Variants in PDE4D observed in about 807,000 individuals in gnomAD.
PDE4D encodes the protein 3',5'-cyclic-AMP phosphodiesterase 4D.
PDE4D carries 24 observed loss-of-function variants against 87.4 expected under a neutral mutation model. The observed-to-expected ratio is 0.27, with a 90% confidence interval of 0.20 to 0.39. The LOEUF (loss-of-function observed/expected upper bound fraction) is 0.39, where lower values mean the gene tolerates loss of function less well. Ranked by LOEUF, PDE4D falls within the 10% of genes least tolerant of loss-of-function variation. The probability of loss-of-function intolerance (pLI) is 1.00; values close to 1 mark genes in which losing one functional copy is unlikely to be tolerated. For missense variants in PDE4D, 714 were observed against 1,041.0 expected, an observed-to-expected ratio of 0.69 and a Z score of 4.32; for synonymous variants, 384 against 383.2, an observed-to-expected ratio of 1.00 and a Z score of -0.02.
Position 59,293,795 on chromosome 5 carries a change from T to A in PDE4D, c.456-77827A>T, listed in dbSNP as rs565750659. ...GGCCATTAGGTCAAATTTCAATGTCTGAGATACTCTCCTGACCCCATGGGA... is the reference window on the plus strand; with the variant it reads ...GGCCATTAGGTCAAATTTCAATGTCAGAGATACTCTCCTGACCCCATGGGA... On this transcript the variant is annotated intron_variant, in intron 1 of 14. Coordinates refer to ENST00000340635, the MANE Select transcript of PDE4D (RefSeq NM_001104631.2). Among the ~76,000 whole-genome samples the A allele has an allele frequency of 2.0e-5, 3 of 152,272 alleles. No homozygotes were observed. The South Asian group carries it at 6.2e-4, about 32-fold the overall frequency.
intron 3 of PDE4D, among the ~76,000 whole-genome samples, chr5:59,945,447 A>C (rs1475874209): frequency 6.6e-6 from 1 of 152,216 alleles, no homozygotes; most frequent in Non-Finnish European, 1.5e-5. Flanking sequence ...CTGTTTTCCA[A>C]AAGGGCTGAG....
chr5:60,316,566 A>T (rs530790109), intron 1 of PDE4D, among the ~76,000 whole-genome samples: 2 of 152,242 alleles, frequency 1.3e-5, no homozygotes, highest in South Asian at 4.1e-4. Context: ...GTCTTGTGCC[A>T]GTTTTCAAAG....
intron 6 of PDE4D, among the ~76,000 whole-genome samples, chr5:59,007,260 C>T (rs575531770): frequency 6.6e-6 from 1 of 152,164 alleles, no homozygotes; most frequent in Admixed American, 6.5e-5. Context: ...TATTTTACAC[C>T]TTTCACCTTA....
chr5:59,182,922 A>G (rs1741997837), intron 4 of PDE4D, among the ~76,000 whole-genome samples: 1 of 152,208 alleles, frequency 6.6e-6, no homozygotes, highest in Non-Finnish European at 1.5e-5. Flanking sequence ...CTGGGTTTGG[A>G]ATGCATTCTT....
chr5:59,803,919 G>A (rs982747292), intron 1 of PDE4D, among the ~76,000 whole-genome samples: 1 of 152,156 alleles, frequency 6.6e-6, no homozygotes, highest in Non-Finnish European at 1.5e-5. Context: ...CTTGCTGATT[G>A]CAGGTACTCA....
intron 1 of PDE4D, among the ~76,000 whole-genome samples, chr5:59,637,294 G>A (rs1028676729): frequency 6.6e-6 from 1 of 152,150 alleles, no homozygotes; most frequent in African/African-American, 2.4e-5. Flanking sequence ...TACACTGTTG[G>A]TGGGAGTGTA....
intron 1 of PDE4D, among the ~76,000 whole-genome samples, chr5:59,422,619 G>T (rs960997016): frequency 6.6e-6 from 1 of 152,158 alleles, no homozygotes; most frequent in Non-Finnish European, 1.5e-5. Flanking sequence ...AAGTTCCAAA[G>T]AATTATTAAG....
chr5:59,038,656 T>C (rs879203412), intron 6 of PDE4D, among the ~76,000 whole-genome samples: 1 of 152,182 alleles, frequency 6.6e-6, no homozygotes, highest in South Asian at 2.1e-4. Flanking sequence ...GCACGTCAAA[T>C]TGCTTTTGGA....
intron 1 of PDE4D, among the ~76,000 whole-genome samples, chr5:60,289,188 A>C (rs1752678321): frequency 6.6e-6 from 1 of 152,216 alleles, no homozygotes; most frequent in Non-Finnish European, 1.5e-5. Context: ...AATGCGTTAG[A>C]AAAATGTTTA....
intron 2 of PDE4D, among the ~76,000 whole-genome samples, chr5:60,022,292 C>T (rs1766145409): frequency 6.6e-6 from 1 of 152,134 alleles, no homozygotes; most frequent in Admixed American, 6.5e-5. Context: ...ATACCACCTC[C>T]TAAAGTTCCC....
chr5:59,415,877 T>C (rs1284256977), intron 1 of PDE4D, among the ~76,000 whole-genome samples: 6 of 152,216 alleles, frequency 3.9e-5, no homozygotes, highest in Non-Finnish European at 8.8e-5. Context: ...AGACCTAAAA[T>C]TACGAAGTGT....
At chr5:59,327,090 A>G in intron 1 of PDE4D, among the ~76,000 whole-genome samples, 1 of 151,192 alleles carries the variant, frequency 6.6e-6, no homozygotes, top group Non-Finnish European at 1.5e-5. Context: ...GAATGGACAC[A>G]TTATTATTCT....
chr5:59,380,832 A>G (rs1370858453), intron 1 of PDE4D, among the ~76,000 whole-genome samples: 2 of 152,116 alleles, frequency 1.3e-5, no homozygotes, highest in East Asian at 1.9e-4. Flanking sequence ...GGAGCTAGGT[A>G]GGGGTTGGAA....
At chr5:59,418,621 G>A (rs1255066307) in intron 1 of PDE4D, among the ~76,000 whole-genome samples, 1 of 151,972 alleles carries the variant, frequency 6.6e-6, no homozygotes, top group African/African-American at 2.4e-5. Flanking sequence ...CTGGTGCCTG[G>A]GTCCCAACTC....
chr5:59,049,472 A>G (rs1761211377), intron 5 of PDE4D, among the ~76,000 whole-genome samples: 6 of 152,192 alleles, frequency 3.9e-5, no homozygotes, highest in Admixed American at 2.6e-4. Context: ...GTAATGGTCA[A>G]GCAGATCATG....
intron 1 of PDE4D, among the ~76,000 whole-genome samples, chr5:59,427,290 TATACACACAC>T (rs1795403477): frequency 1.1e-5 from 1 of 87,066 alleles, no homozygotes; most frequent in African/African-American, 4.9e-5. Flanking sequence ...GAAGTGATTT[TATACACACAC>T]ACACACACAC....
intron 2 of PDE4D, among the ~76,000 whole-genome samples, chr5:60,158,038 T>C (rs1031422600): frequency 1.3e-5 from 2 of 152,152 alleles, no homozygotes; most frequent in Admixed American, 1.3e-4. Context: ...TGCTAATTGA[T>C]AGTACTAAAT....
intron 1 of PDE4D, among the ~76,000 whole-genome samples, chr5:59,802,196 G>T (rs1409784206): frequency 6.6e-6 from 1 of 151,816 alleles, no homozygotes; most frequent in Non-Finnish European, 1.5e-5. Flanking sequence ...GAGAACCTCT[G>T]GGACATGAAG....
chr5:60,311,027 T>G (rs1754983967), intron 1 of PDE4D, among the ~76,000 whole-genome samples: 1 of 151,946 alleles, frequency 6.6e-6, no homozygotes, highest in Non-Finnish European at 1.5e-5. Flanking sequence ...TCTTTTTTTT[T>G]TTTTTTTGAG....
Sources: gnomAD v4.1 joint callset for allele counts (sites outside exome capture counted in the v4.1 genomes callset) on GRCh38, gnomAD v4.1.1 for gene constraint, MANE v1.5 for transcripts, NCBI Gene and HGNC (gene_info 2026-07-23, HGNC 2026-07-21) for gene names.